Variants in SAP130 observed in about 807,000 individuals in gnomAD.
SAP130 encodes histone deacetylase complex subunit SAP130.
In SAP130, 16 loss-of-function variants were observed where a neutral mutation model predicts 103.2. The observed-to-expected ratio is 0.16, with a 90% CI of 0.10 to 0.24. The LOEUF (loss-of-function observed/expected upper bound fraction) is 0.24. Among genes scored for constraint, SAP130 ranks in the 10% least tolerant of loss-of-function variants. The pLI is 1.00. For synonymous variants in SAP130, 477 were observed against 497.0 expected (o/e 0.96, Z 0.53); for missense variants, 990 against 1,359.7 (o/e 0.73, Z 4.28).
intron 5 of SAP130, among the ~76,000 whole-genome samples, chr2:128,013,834 G>C (rs998349682): frequency 1.8e-4 from 28 of 152,348 alleles, no homozygotes; most frequent in African/African-American, 6.5e-4. Flanking sequence ...GGAGGCTAAA[G>C]TGGGAAGATC....
In SAP130 at chr2:128,021,264, T is replaced by C. The variant is rs559974299; in HGVS notation, c.113-3349A>G. Among the ~76,000 whole-genome samples the C allele has an allele frequency of 6.6e-5, 10 of 151,882 alleles. No homozygotes were observed. In the South Asian group the frequency reaches 1.9e-3, roughly 28 times the overall value. ...GAGTTTGAGACCAGCCTGGACAATA[T>C]GGTGAAACCCTGTCTCTACTAAAAA... On this transcript the variant is annotated intron_variant, in intron 2 of 20. Coordinates refer to ENST00000643581, the MANE Select transcript of SAP130 (RefSeq NM_001330301.2).
At chr2:128,009,681 C>T (rs1227243681) in intron 7 of SAP130, among the ~76,000 whole-genome samples, 2 of 152,142 alleles carry the variant, frequency 1.3e-5, no homozygotes, top group East Asian at 3.9e-4. Flanking sequence ...TTCCATCATG[C>T]CCCAGCCGAG....
intron 12 of SAP130, among the ~76,000 whole-genome samples, chr2:127,990,246 G>A (rs1160590345): frequency 1.3e-5 from 2 of 152,044 alleles, no homozygotes; most frequent in Non-Finnish European, 2.9e-5. Flanking sequence ...CACTATCACA[G>A]GTGGTTTTGA....
intron 7 of SAP130, among the ~76,000 whole-genome samples, chr2:128,009,306 C>G (rs183272174): frequency 6.6e-6 from 1 of 152,066 alleles, no homozygotes; most frequent in East Asian, 1.9e-4. Context: ...CCTGTCTCTA[C>G]AAGAAAATAA....
At chr2:128,001,076 C>T (rs911540981) in intron 7 of SAP130, among the ~76,000 whole-genome samples, 1 of 152,186 alleles carries the variant, frequency 6.6e-6, no homozygotes, top group African/African-American at 2.4e-5. Flanking sequence ...CCCAATTTTA[C>T]ATCATTCCTT....
intron 2 of SAP130, among the ~76,000 whole-genome samples, chr2:128,024,403 G>A (rs1162271943): frequency 2.0e-5 from 3 of 152,060 alleles, no homozygotes; most frequent in African/African-American, 4.8e-5. Context: ...TAGCTCATAA[G>A]AAAACGCAGA....
At chr2:128,005,337 A>T (rs1683877461) in intron 7 of SAP130, among the ~76,000 whole-genome samples, 1 of 152,152 alleles carries the variant, frequency 6.6e-6, no homozygotes, top group African/African-American at 2.4e-5. Flanking sequence ...GTGCAAAAAG[A>T]TTCAACACTT....
At chr2:128,014,759 A>T in intron 5 of SAP130, 44 bp downstream of exon 5, 1 of 1,323,816 alleles carries the variant, frequency 7.6e-7, no homozygotes. Flanking sequence ...ATGTATATCT[A>T]CTACTACATT....
intron 1 of SAP130, chr2:128,027,016 AC>A (rs1685550484): frequency 1.3e-5 from 16 of 1,274,058 alleles, no homozygotes; most frequent in Non-Finnish European, 1.5e-5. Context: ...GGAGTGTGAG[AC>A]CCCCGTCTCC....
At chr2:127,963,007 G>GA (rs35587743) in intron 15 of SAP130, among the ~76,000 whole-genome samples, 64,441 of 146,776 alleles carry the variant, frequency 0.44, 14,582 homozygotes, top group African/African-American at 0.59. Flanking sequence ...ATAAATGTCT[G>GA]AAAAAAAAAA....
intron 5 of SAP130, among the ~76,000 whole-genome samples, chr2:128,013,874 T>C (rs1442590272): frequency 1.3e-5 from 2 of 152,214 alleles, no homozygotes; most frequent in African/African-American, 4.8e-5. Flanking sequence ...GAAACCAGCC[T>C]GGGTAACCCA....
chr2:127,973,932 G>A (rs1681271920), intron 15 of SAP130, among the ~76,000 whole-genome samples: 1 of 152,070 alleles, frequency 6.6e-6, no homozygotes, highest in Non-Finnish European at 1.5e-5. Flanking sequence ...AAAATGAGCT[G>A]GGTATGGTGG....
In SAP130 at chr2:127,941,481, AGT is replaced by A. The variant is rs1391290435; in HGVS notation, c.*523_*524del. ...AGAACTAATAGTTCAAACCCTTTAG[AGT>A]GTGAGATGTGGCAGCTCGCTTGGTG... is the stretch of plus-strand genomic sequence containing the variant. On this transcript the variant is annotated 3_prime_UTR_variant, in exon 21 of 21. Transcript: ENST00000643581. The A allele has an allele frequency of 6.5e-6, 1 of 154,120 alleles. No homozygotes were observed. The highest frequency in any genetic ancestry group is 1.4e-5 in the Non-Finnish European group (1 of 69,264). The allele number at this position is 154,120 out of a possible 1,614,324, so 9.5% of individuals were successfully genotyped here. A position where few individuals can be genotyped will look rare whatever the true frequency, so the allele number is the denominator to read the frequency against.
intron 19 of SAP130, among the ~76,000 whole-genome samples, chr2:127,943,902 A>G (rs1678880443): frequency 6.6e-6 from 1 of 152,236 alleles, no homozygotes; most frequent in South Asian, 2.1e-4. Context: ...ATAAACTTTT[A>G]AATTGTTTTA....
At chr2:128,007,273 G>A (rs151066628) in intron 7 of SAP130, among the ~76,000 whole-genome samples, 4 of 152,214 alleles carry the variant, frequency 2.6e-5, no homozygotes, top group African/African-American at 7.2e-5. Context: ...AGTACTATAC[G>A]GAATCCACAT....
intron 15 of SAP130, 67 bp downstream of exon 15, chr2:127,977,918 T>C (rs1324154596): frequency 2.5e-6 from 3 of 1,188,528 alleles, no homozygotes; most frequent in Non-Finnish European, 3.7e-6. Flanking sequence ...GCAGGAATAT[T>C]AGACTCTCCC....
chr2:127,955,099 G>T lies in SAP130; in HGVS notation c.2309C>A (p.Pro770Gln). Residue 770 changes from proline (P) to glutamine (Q), a missense_variant, in exon 16 of 21, where the codon CCA becomes CAA. Transcript: ENST00000643581. The surrounding 1 kb of genome is among the most constrained non-coding windows in gnomAD (Gnocchi z 4.9). ...TPPITTIAAA[P>Q]PPSVTVGGSL... is the part of the protein sequence containing the mutation. ...GCCACCCACAGTGACTGATGGAGGT[G>T]GTGCAGCTGCAATGGTGGTGATGGG... 4 of 1,614,192 alleles carry T rather than the reference G, an allele frequency of 2.5e-6. No individual in the cohort carries two copies. The highest frequency in any genetic ancestry group is 3.4e-6 in the Non-Finnish European group (4 of 1,180,024).
At chr2:128,013,859 A>G (rs1684573158) in intron 5 of SAP130, among the ~76,000 whole-genome samples, 1 of 152,208 alleles carries the variant, frequency 6.6e-6, no homozygotes, top group Non-Finnish European at 1.5e-5. Context: ...GTGCCCCAGA[A>G]ATCTGAAACC....
chr2:127,951,062 G>T (rs1015222443), intron 16 of SAP130, among the ~76,000 whole-genome samples: 1 of 152,162 alleles, frequency 6.6e-6, no homozygotes, highest in African/African-American at 2.4e-5. Context: ...AAAATCATCT[G>T]AATAAGTAGG....
Sources: gnomAD v4.1 joint callset for allele counts (sites outside exome capture counted in the v4.1 genomes callset) on GRCh38, gnomAD v4.1.1 for gene constraint, Gnocchi (gnomAD v3.1) non-coding constraint, MANE v1.5 for transcripts, NCBI Gene and HGNC (gene_info 2026-07-23, HGNC 2026-07-21) for gene names.